Variants in FGF14 observed in about 807,000 individuals in gnomAD.
FGF14 encodes the protein fibroblast growth factor 14.
A neutral mutation model predicts 25.5 loss-of-function variants in FGF14; 5 were observed. That is an observed-to-expected ratio of 0.20 (90% CI 0.10 to 0.41). FGF14 has a LOEUF of 0.41. Among genes scored for constraint, FGF14 ranks in the 10% least tolerant of loss-of-function variants. The pLI is 1.00. For synonymous variants in FGF14, 138 were observed against 118.3 expected (o/e 1.17, Z -1.08); for missense variants, 222 against 320.1 (o/e 0.69, Z 2.34).
In FGF14 at chr13:101,998,264, G is replaced by A. The variant is rs116554666; in HGVS notation, c.209-122968C>T. 7.5e-3 allele frequency among the ~76,000 whole-genome samples: 1,145 copies of A among 152,216 alleles called. 16 individuals are homozygous for A. The highest frequency in any genetic ancestry group is 0.026 in the African/African-American group (1,073 of 41,548). Reference sequence around the variant, plus strand: ...CTCAAGACAACATTAAAGAATATTGGAACATTTCTTGGTACAATTATGCAG... The same window carrying A: ...CTCAAGACAACATTAAAGAATATTGAAACATTTCTTGGTACAATTATGCAG... On this transcript the variant is annotated intron_variant, in intron 1 of 4. Transcript: ENST00000376131.
intron 1 of FGF14, among the ~76,000 whole-genome samples, chr13:102,227,250 A>G (rs2050865529): frequency 6.6e-6 from 1 of 151,856 alleles, no homozygotes; most frequent in African/African-American, 2.4e-5. Context: ...GCTTCATGGA[A>G]TTTTTTTCTT....
intron 3 of FGF14, among the ~76,000 whole-genome samples, chr13:101,842,055 G>A (rs1360789469): frequency 1.3e-5 from 2 of 151,954 alleles, no homozygotes; most frequent in Non-Finnish European, 2.9e-5. Context: ...TCTATTCATG[G>A]TCACTGAGCT....
intron 1 of FGF14, among the ~76,000 whole-genome samples, chr13:101,980,344 CA>C (rs35168923): frequency 0.42 from 59,950 of 144,104 alleles, 12,315 homozygotes; most frequent in East Asian, 0.7. Flanking sequence ...CAGAAAATGT[CA>C]AAAAAAAAAA....
chr13:102,268,470 T>C (rs1211645621), intron 1 of FGF14, among the ~76,000 whole-genome samples: 3 of 152,070 alleles, frequency 2.0e-5, no homozygotes, highest in East Asian at 3.9e-4. Flanking sequence ...ATAAAAGTTA[T>C]GTAAGTTATA....
chr13:102,088,399 A>G (rs1246911612), intron 1 of FGF14, among the ~76,000 whole-genome samples: 2 of 152,186 alleles, frequency 1.3e-5, no homozygotes, highest in Non-Finnish European at 2.9e-5. Flanking sequence ...TGTGGCACAC[A>G]TCACATGTAA....
chr13:102,093,828 A>AAG (rs34144301), intron 1 of FGF14, among the ~76,000 whole-genome samples: 1 of 148,988 alleles, frequency 6.7e-6, no homozygotes, highest in Non-Finnish European at 1.5e-5. Flanking sequence ...AAAAAAAAAA[A>AAG]GGAAGGAGAG....
chr13:102,079,681 C>T (rs1035646168), intron 1 of FGF14, among the ~76,000 whole-genome samples: 1 of 152,120 alleles, frequency 6.6e-6, no homozygotes, highest in Non-Finnish European at 1.5e-5. Flanking sequence ...CCATGGAGCT[C>T]GTTCTTCAGG....
chr13:102,196,735 A>T (rs634694), intron 1 of FGF14, among the ~76,000 whole-genome samples: 127,448 of 152,160 alleles, frequency 0.84, 53,961 homozygotes, highest in African/African-American at 0.95. Context: ...ATGTAATGCA[A>T]TCGTATTTAT....
At chr13:101,776,093 A>G (rs955429261) in intron 3 of FGF14, among the ~76,000 whole-genome samples, 1 of 152,150 alleles carries the variant, frequency 6.6e-6, no homozygotes, top group Non-Finnish European at 1.5e-5. Context: ...TTCCATTAAT[A>G]TAGATGAACA....
chr13:101,881,210 T>G (rs1425350208), intron 1 of FGF14, among the ~76,000 whole-genome samples: 1 of 152,148 alleles, frequency 6.6e-6, no homozygotes, highest in Non-Finnish European at 1.5e-5. Flanking sequence ...TTTTTGAATA[T>G]CCAGTGTATA....
intron 1 of FGF14, among the ~76,000 whole-genome samples, chr13:102,102,463 T>C (rs1306873651): frequency 1.3e-5 from 2 of 152,188 alleles, no homozygotes; most frequent in African/African-American, 4.8e-5. Context: ...ATGATGCTTA[T>C]TTGTTGTAAC....
chr13:101,756,257 C>G (rs2037641629), intron 3 of FGF14, among the ~76,000 whole-genome samples: 1 of 152,060 alleles, frequency 6.6e-6, no homozygotes, highest in Middle Eastern at 3.2e-3. Context: ...TAAAACCTTT[C>G]TTTGTGTTTT....
At chr13:101,803,203 A>G (rs957859549) in intron 3 of FGF14, among the ~76,000 whole-genome samples, 1 of 148,098 alleles carries the variant, frequency 6.8e-6, no homozygotes, top group Non-Finnish European at 1.5e-5. Context: ...ATCACAGTTC[A>G]TTGCAGCCTC....
At chr13:101,791,909 T>C (rs1198640239) in intron 3 of FGF14, among the ~76,000 whole-genome samples, 2 of 152,124 alleles carry the variant, frequency 1.3e-5, no homozygotes, top group African/African-American at 4.8e-5. Flanking sequence ...TGTTTATATA[T>C]TGGCATTAGA....
At chr13:102,097,005 T>G (rs945726224) in intron 1 of FGF14, among the ~76,000 whole-genome samples, 13 of 151,074 alleles carry the variant, frequency 8.6e-5, no homozygotes, top group African/African-American at 3.2e-4. Context: ...AATAACTGTC[T>G]GCTTCAGGCA....
At chr13:101,777,101 C>T (rs2039169540) in intron 3 of FGF14, among the ~76,000 whole-genome samples, 1 of 152,152 alleles carries the variant, frequency 6.6e-6, no homozygotes, top group African/African-American at 2.4e-5. Context: ...ATAGTACTAT[C>T]ATCTGACTGC....
At chr13:102,189,127 A>G (rs1225402902) in intron 1 of FGF14, among the ~76,000 whole-genome samples, 1 of 151,960 alleles carries the variant, frequency 6.6e-6, no homozygotes, top group African/African-American at 2.4e-5. Flanking sequence ...GAGAGAGAGA[A>G]CAGAGACAAG....
At chr13:102,327,629 A>G (rs983822390) in intron 1 of FGF14, among the ~76,000 whole-genome samples, 16 of 152,132 alleles carry the variant, frequency 1.1e-4, no homozygotes, top group Non-Finnish European at 1.9e-4. Flanking sequence ...AAAGCCAGAA[A>G]TTCGAGACCA....
In FGF14 at chr13:101,722,102, A is replaced by C. The variant is rs953698104; in HGVS notation, c.*729T>G. On this transcript the variant is annotated 3_prime_UTR_variant, in exon 5 of 5. Coordinates refer to ENST00000376143, the MANE Select transcript of FGF14 (RefSeq NM_004115.4). ...AGCTTCCCTGGATTGTGTTTGAGCC[A>C]TTTCCCACCCAGGCAATGCCGACCT... The C allele has an allele frequency of 2.6e-5, 4 of 153,546 alleles. No homozygotes were observed. The highest frequency in any genetic ancestry group is 7.2e-5 in the African/African-American group (3 of 41,440). 9.5% of individuals were successfully genotyped at this position (153,546 alleles called of 1,614,324 possible).
Sources: allele counts gnomAD v4.1 joint callset (sites outside exome capture counted in the v4.1 genomes callset), GRCh38; gene constraint gnomAD v4.1.1; transcripts MANE v1.5; gene names NCBI Gene and HGNC (gene_info 2026-07-23, HGNC 2026-07-21).